ABHD12B: variants seen among roughly 807,000 people sequenced by gnomAD.
The protein encoded by ABHD12B is abhydrolase domain containing 12B, also known as protein ABHD12B.
ABHD12B carries 42 observed loss-of-function variants against 50.4 expected under a neutral mutation model. The observed-to-expected ratio is 0.83, with a 90% CI of 0.65 to 1.08. The LOEUF (loss-of-function observed/expected upper bound fraction) is 1.08. Ranked by LOEUF, ABHD12B falls within the 50% of genes least tolerant of loss-of-function variation. The pLI, the probability that ABHD12B is intolerant of heterozygous loss-of-function variation, is 0.00. For missense variants in ABHD12B, 479 were observed against 447.7 expected (o/e 1.07, Z -0.63); for synonymous variants, 167 against 160.3 (o/e 1.04, Z -0.32).
chr14:50,882,373 CT>C (rs386381352), intron 5 of ABHD12B, among the ~76,000 whole-genome samples: 4,105 of 81,328 alleles, frequency 0.05, 45 homozygotes, highest in Admixed American at 0.1. Flanking sequence ...AGAATGTCTG[CT>C]TTTTTTTTTT....
At position 50,878,850 on chromosome 14, in the gene ABHD12B, G is replaced by C. The variant is rs2049898293; in HGVS notation, c.335+3G>C. 1.2e-6 allele frequency: 2 copies of C among 1,612,638 alleles called. No individual in the cohort carries two copies. The highest frequency in any genetic ancestry group is 8.5e-7 in the Non-Finnish European group (1 of 1,178,812). On this transcript the variant is annotated splice_donor_region_variant and intron_variant, in intron 3 of 12. Coordinates refer to ENST00000337334, the MANE Select transcript of ABHD12B (RefSeq NM_001206673.2). ...CCTGGGGTGATGCTAGGGATCTGGTGAGTGCACGGATGGGACACCGGGTTG... is the reference window on the plus strand; with the variant it reads ...CCTGGGGTGATGCTAGGGATCTGGTCAGTGCACGGATGGGACACCGGGTTG...
intron 1 of ABHD12B, among the ~76,000 whole-genome samples, chr14:50,873,717 T>C (rs539867509): frequency 1.3e-5 from 2 of 152,336 alleles, no homozygotes; most frequent in East Asian, 1.9e-4. Context: ...TGACATCTAA[T>C]GTTTTTCACT....
intron 5 of ABHD12B, among the ~76,000 whole-genome samples, chr14:50,883,426 T>G (rs1240196911): frequency 1.3e-5 from 2 of 152,204 alleles, no homozygotes; most frequent in African/African-American, 4.8e-5. Flanking sequence ...CACTGCCTTC[T>G]CAGAGCCAAT....
intron 1 of ABHD12B, among the ~76,000 whole-genome samples, chr14:50,873,314 G>A (rs1247194755): frequency 1.3e-5 from 2 of 151,652 alleles, no homozygotes; most frequent in East Asian, 1.9e-4. Flanking sequence ...GGGCTCCAGC[G>A]ATCCTCCCGT....
At chr14:50,878,625 T>C in intron 2 of ABHD12B, 120 bp from the exon 3 acceptor site, 1 of 756,794 alleles carries the variant, frequency 1.3e-6, no homozygotes, top group Non-Finnish European at 2.2e-6. Flanking sequence ...GCTAGGAGTT[T>C]AGTGTAGTAG....
At position 50,903,400 on chromosome 14, in the gene ABHD12B, TTTC is replaced by T. The variant is rs777789046; in HGVS notation, c.880_882del (p.Ser294del). 2.5e-6 allele frequency: 4 copies of T among 1,611,826 alleles called. No homozygotes were observed. Among genetic ancestry groups the T allele is most frequent in the Middle Eastern group, 1.7e-4 (1 of 6,046 alleles). On this transcript the variant is annotated inframe_deletion, in exon 11 of 13. Coordinates refer to ENST00000337334, the MANE Select transcript of ABHD12B (RefSeq NM_001206673.2). The stretch of plus-strand genomic sequence containing the variant: ...CTACTTGTCCCTAGTGTTAAATTCC[TTTC>T]TTCTCCTCTTCTCATCTTACATGGA...
At chr14:50,884,945 C>G (rs1043271395) in intron 5 of ABHD12B, among the ~76,000 whole-genome samples, 1 of 152,144 alleles carries the variant, frequency 6.6e-6, no homozygotes, top group East Asian at 1.9e-4. Flanking sequence ...AATAGCTTCC[C>G]CTTTTTGATT....
intron 11 of ABHD12B, 39 bp downstream of exon 11, chr14:50,903,506 C>T (rs1328958045): frequency 2.0e-6 from 3 of 1,519,382 alleles, no homozygotes; most frequent in Admixed American, 1.9e-5. Context: ...ATATACTATA[C>T]TCATTTCACC....
At chr14:50,879,002 C>T (rs1157268533) in intron 3 of ABHD12B, among the ~76,000 whole-genome samples, 155 bp downstream of exon 3, 1 of 152,188 alleles carries the variant, frequency 6.6e-6, no homozygotes, top group Non-Finnish European at 1.5e-5. Context: ...TGTTGATTTG[C>T]TTGATTTTCC....
intron 5 of ABHD12B, 42 bp downstream of exon 5, chr14:50,881,668 G>C (rs1164015227): frequency 6.2e-7 from 1 of 1,608,734 alleles, no homozygotes; most frequent in African/African-American, 1.4e-5. Flanking sequence ...TCATAAGTCT[G>C]TTTGATATGT....
intron 9 of ABHD12B, among the ~76,000 whole-genome samples, chr14:50,889,985 T>A (rs140137532): frequency 2.6e-4 from 40 of 152,322 alleles, no homozygotes; most frequent in African/African-American, 9.6e-4. Flanking sequence ...GACAGCGAGT[T>A]CACATAATCA....
intron 4 of ABHD12B, 59 bp from the exon 5 acceptor site, chr14:50,881,537 T>G: frequency 6.4e-7 from 1 of 1,573,390 alleles, no homozygotes; most frequent in Non-Finnish European, 8.6e-7. Context: ...TTTTATTGAA[T>G]TTGTTATCAT....
At chr14:50,901,043 T>TA (rs2050255395) in intron 9 of ABHD12B, among the ~76,000 whole-genome samples, 1 of 152,172 alleles carries the variant, frequency 6.6e-6, no homozygotes, top group Non-Finnish European at 1.5e-5. Context: ...TGGCTTAGGC[T>TA]AAGTGATAGT....
rs1045929810 is a variant in ABHD12B at position 50,876,911 on chromosome 14, A to T, written c.105-1041A>T. 1.1e-4 allele frequency among the ~76,000 whole-genome samples: 16 copies of T among 152,296 alleles called. No homozygotes were observed. In the South Asian group the frequency reaches 3.3e-3, roughly 32 times the overall value. Reference sequence around the variant, plus strand: ...ATGGAAAGGGACTTACTTAATGGATAATGTGGGCAAAAACTGGAAGCAGGA... The same window carrying T: ...ATGGAAAGGGACTTACTTAATGGATTATGTGGGCAAAAACTGGAAGCAGGA... On this transcript the variant is annotated intron_variant, in intron 1 of 12. Coordinates refer to ENST00000337334, the MANE Select transcript of ABHD12B (RefSeq NM_001206673.2).
At chr14:50,886,117 G>A (rs1316819787) in intron 7 of ABHD12B, among the ~76,000 whole-genome samples, 2 of 152,216 alleles carry the variant, frequency 1.3e-5, no homozygotes, top group African/African-American at 4.8e-5. Flanking sequence ...TTACATTGAA[G>A]TCCAAGTCTT....
At chr14:50,902,341 AGGCGTGGG>A (rs902187897) in intron 10 of ABHD12B, among the ~76,000 whole-genome samples, 2 of 152,200 alleles carry the variant, frequency 1.3e-5, no homozygotes, top group Admixed American at 6.5e-5. Flanking sequence ...AAAATTAGCC[AGGCGTGGG>A]GGCACGTGCC....
intron 9 of ABHD12B, among the ~76,000 whole-genome samples, chr14:50,889,683 A>G (rs1049889442): frequency 1.3e-5 from 2 of 152,204 alleles, no homozygotes; most frequent in Non-Finnish European, 2.9e-5. Flanking sequence ...TAACTTTATA[A>G]TCTTATTCTA....
At chr14:50,901,944 C>T in intron 10 of ABHD12B, 33 bp downstream of exon 10, 3 of 1,464,674 alleles carry the variant, frequency 2.0e-6, no homozygotes, top group Non-Finnish European at 2.8e-6. Context: ...TGCATTATTA[C>T]TGTATCTAAA....
chr14:50,899,966 T>G (rs922831793), intron 9 of ABHD12B, among the ~76,000 whole-genome samples: 2 of 151,278 alleles, frequency 1.3e-5, no homozygotes, highest in Non-Finnish European at 2.9e-5. Flanking sequence ...GGCCAGGCAC[T>G]GTGGCTCATG....
Sources: gnomAD v4.1 joint callset for allele counts (sites outside exome capture counted in the v4.1 genomes callset) on GRCh38, gnomAD v4.1.1 for gene constraint, MANE v1.5 for transcripts, NCBI Gene and HGNC (gene_info 2026-07-23, HGNC 2026-07-21) for gene names.